The following ENTREP2 variants were observed in gnomAD, a reference collection of about 807,000 sequenced individuals.
ENTREP2 encodes endosomal transmembrane epsin interactor 2.
the ENTREP2 span, among the ~76,000 whole-genome samples, chr15:29,415,998 G>A: frequency 6.6e-6 from 1 of 152,116 alleles, no homozygotes; most frequent in Admixed American, 6.5e-5. Flanking sequence ...AATAAAAGAG[G>A]ATACAAACAA....
the ENTREP2 span, among the ~76,000 whole-genome samples, chr15:29,425,381 A>AT: frequency 6.6e-6 from 1 of 152,012 alleles, no homozygotes; most frequent in Non-Finnish European, 1.5e-5. Flanking sequence ...TTGGAGTTAT[A>AT]TTTTTGTATT....
the ENTREP2 span, among the ~76,000 whole-genome samples, chr15:29,189,987 T>C: frequency 6.6e-6 from 1 of 152,236 alleles, no homozygotes; most frequent in Admixed American, 6.5e-5. Flanking sequence ...TCCTAATTTT[T>C]AGACCCTATT....
the ENTREP2 span, among the ~76,000 whole-genome samples, chr15:29,202,017 G>T: frequency 7.0e-4 from 107 of 152,144 alleles, no homozygotes; most frequent in Non-Finnish European, 1.3e-3. Context: ...TGTTTTCCAA[G>T]AAATTGATCT....
chr15:29,600,436 C>CCACCAT, the ENTREP2 span, among the ~76,000 whole-genome samples: 1 of 103,752 alleles, frequency 9.6e-6, no homozygotes, highest in African/African-American at 5.1e-5. Context: ...CAGTTCTCTC[C>CCACCAT]CACCATCATC....
chr15:29,438,606 G>A, the ENTREP2 span, among the ~76,000 whole-genome samples: 3 of 151,682 alleles, frequency 2.0e-5, no homozygotes, highest in Admixed American at 6.6e-5. Flanking sequence ...CATCCAACCC[G>A]GCCCCTGTAC....
At chr15:29,123,155 G>C in the ENTREP2 span, 1 of 601,034 alleles carries the variant, frequency 1.7e-6, no homozygotes, top group Non-Finnish European at 2.8e-6. Context: ...ACACTGCTCG[G>C]CTCCCCTCGA....
At chr15:29,342,035 T>TTGCAAGTAGAAAAGA in the ENTREP2 span, among the ~76,000 whole-genome samples, 9 of 152,198 alleles carry the variant, frequency 5.9e-5, no homozygotes, top group African/African-American at 2.2e-4. Flanking sequence ...AGGGGTAATG[T>TTGCAAGTAGAAAAGA]TGCAAGTAGA....
chr15:29,442,573 TCCAGGGAAGCCC>T, the ENTREP2 span, among the ~76,000 whole-genome samples: 1 of 152,140 alleles, frequency 6.6e-6, no homozygotes, highest in Non-Finnish European at 1.5e-5. Context: ...AAACACATGT[TCCAGGGAAGCCC>T]CCATCAGGGC....
chr15:29,410,333 T>C, the ENTREP2 span, among the ~76,000 whole-genome samples: 1 of 152,202 alleles, frequency 6.6e-6, no homozygotes, highest in Non-Finnish European at 1.5e-5. Context: ...TATTTTTTCA[T>C]GTGGTCTCAC....
At chr15:29,429,782 C>G in the ENTREP2 span, among the ~76,000 whole-genome samples, 1 of 152,196 alleles carries the variant, frequency 6.6e-6, no homozygotes, top group Non-Finnish European at 1.5e-5. Context: ...GGAATGCCAA[C>G]AGGGCTGTGC....
At chr15:29,180,681 CAAAAT>C in the ENTREP2 span, among the ~76,000 whole-genome samples, 11 of 151,598 alleles carry the variant, frequency 7.3e-5, no homozygotes, top group Non-Finnish European at 1.2e-4. Flanking sequence ...AATAAATAAA[CAAAAT>C]AAAATAAAAT....
At chr15:29,439,470 T>G in the ENTREP2 span, among the ~76,000 whole-genome samples, 1 of 152,066 alleles carries the variant, frequency 6.6e-6, no homozygotes, top group Non-Finnish European at 1.5e-5. Context: ...CATATTAATG[T>G]CACAATGACT....
At chr15:29,124,587 G>T in the ENTREP2 span, 1 of 979,664 alleles carries the variant, frequency 1.0e-6, no homozygotes, top group African/African-American at 1.6e-5. Flanking sequence ...GGGGTGGGGT[G>T]AGGAGCTGCA....
the ENTREP2 span, among the ~76,000 whole-genome samples, chr15:29,159,437 G>C: frequency 2.0e-5 from 3 of 152,162 alleles, no homozygotes; most frequent in Non-Finnish European, 2.9e-5. Flanking sequence ...CATAGAAAAG[G>C]ACAGGGCCGG....
chr15:29,524,071 C>T, the ENTREP2 span, among the ~76,000 whole-genome samples: 30 of 151,880 alleles, frequency 2.0e-4, no homozygotes, highest in Non-Finnish European at 4.1e-4. Context: ...CAATGGACAC[C>T]ATCAAGAAAG....
At chr15:29,337,496 T>C in the ENTREP2 span, among the ~76,000 whole-genome samples, 8 of 152,164 alleles carry the variant, frequency 5.3e-5, no homozygotes, top group African/African-American at 7.2e-5. Context: ...GCACAATGAC[T>C]GGTTACAGTG....
At chr15:29,346,864 A>G in the ENTREP2 span, among the ~76,000 whole-genome samples, 1 of 152,198 alleles carries the variant, frequency 6.6e-6, no homozygotes, top group Non-Finnish European at 1.5e-5. Flanking sequence ...CTAACCTCCA[A>G]AAGGCGCAAG....
chr15:29,593,120 C>A, the ENTREP2 span, among the ~76,000 whole-genome samples: 1 of 152,150 alleles, frequency 6.6e-6, no homozygotes, highest in African/African-American at 2.4e-5. Flanking sequence ...CTCTGCAGTC[C>A]AGATCTGTTA....
At chr15:29,382,630 C>T in the ENTREP2 span, among the ~76,000 whole-genome samples, 1 of 152,160 alleles carries the variant, frequency 6.6e-6, no homozygotes, top group Admixed American at 6.5e-5. Context: ...CCTGCCTCCT[C>T]CCTACTGTCC....
Sources: allele counts gnomAD v4.1 joint callset (sites outside exome capture counted in the v4.1 genomes callset), GRCh38; gene constraint gnomAD v4.1.1; transcripts MANE v1.5; gene names NCBI Gene and HGNC (gene_info 2026-07-23, HGNC 2026-07-21).